The following OPRM1 variants were observed in gnomAD, a reference collection of about 807,000 sequenced individuals.
The protein encoded by OPRM1 is opioid receptor mu 1, also known as mu-type opioid receptor.
Under a neutral mutation model 31.8 loss-of-function variants are expected in OPRM1, and 27 were observed. The observed-to-expected ratio is 0.85, with a 90% CI of 0.63 to 1.17. The LOEUF is 1.17. Among genes scored for constraint, OPRM1 ranks in the 50% most tolerant of loss-of-function variants. The pLI is 0.00. For synonymous variants in OPRM1, 196 were observed against 189.9 expected (o/e 1.03, Z -0.26); for missense variants, 536 against 511.1 (o/e 1.05, Z -0.47).
At chr6:154,180,705 T>G (rs1246603252) in intron 3 of OPRM1, among the ~76,000 whole-genome samples, 1 of 152,164 alleles carries the variant, frequency 6.6e-6, no homozygotes, top group Non-Finnish European at 1.5e-5. Context: ...CCTTGTGCTT[T>G]CTAGAATGTG....
intron 3 of OPRM1, among the ~76,000 whole-genome samples, chr6:154,111,257 G>A (rs1796335645): frequency 6.6e-6 from 1 of 152,142 alleles, no homozygotes; most frequent in Non-Finnish European, 1.5e-5. Context: ...CTTTGCCTAT[G>A]AGTCATCAGC....
chr6:154,153,190 T>A (rs981254652), intron 3 of OPRM1, among the ~76,000 whole-genome samples: 1 of 152,150 alleles, frequency 6.6e-6, no homozygotes, highest in Admixed American at 6.5e-5. Flanking sequence ...ATTCCTGGGA[T>A]TTCTGGGAGG....
intron 3 of OPRM1, among the ~76,000 whole-genome samples, chr6:154,243,091 T>A (rs891932444): frequency 1.3e-5 from 2 of 152,122 alleles, no homozygotes; most frequent in African/African-American, 4.8e-5. Flanking sequence ...AAACAGCATA[T>A]GCGAAGGCTT....
At chr6:154,182,067 T>A (rs1035371107) in intron 3 of OPRM1, among the ~76,000 whole-genome samples, 2 of 152,070 alleles carry the variant, frequency 1.3e-5, no homozygotes, top group Admixed American at 6.5e-5. Flanking sequence ...TTAAAATTTT[T>A]AAAAAAGATC....
intron 3 of OPRM1, among the ~76,000 whole-genome samples, chr6:154,172,433 C>A (rs1243769770): frequency 6.6e-6 from 1 of 152,164 alleles, no homozygotes; most frequent in African/African-American, 2.4e-5. Context: ...TACACTTCTA[C>A]CCAAATACTG....
chr6:154,039,485 C>A lies in OPRM1; in HGVS notation c.-60C>A. 2 of 1,562,520 alleles carry A rather than the reference C, an allele frequency of 1.3e-6. No homozygotes were observed. Among genetic ancestry groups the A allele is most frequent in the Non-Finnish European group, 1.7e-6 (2 of 1,153,164 alleles). On this transcript the variant is annotated 5_prime_UTR_variant, in exon 1 of 4. Coordinates refer to ENST00000330432, the MANE Select transcript of OPRM1 (RefSeq NM_000914.5). Reference sequence around the variant, plus strand: ...GGAAGCGGCTGAGGCGCTTGGAACCCGAAAAGTCTCGGTGCTCCTGGCTAC... The same window carrying A: ...GGAAGCGGCTGAGGCGCTTGGAACCAGAAAAGTCTCGGTGCTCCTGGCTAC...
intron 1 of OPRM1, among the ~76,000 whole-genome samples, chr6:154,053,384 C>T: frequency 6.6e-6 from 1 of 152,216 alleles, no homozygotes; most frequent in East Asian, 1.9e-4. Flanking sequence ...GCTTCAAACT[C>T]TATGCCATTT....
chr6:154,021,939 T>C (rs1252803080), intron 1 of OPRM1, among the ~76,000 whole-genome samples: 1 of 152,120 alleles, frequency 6.6e-6, no homozygotes, highest in South Asian at 2.1e-4. Context: ...TTCTTCCCAA[T>C]CTGTATACTT....
At chr6:154,026,888 C>T (rs1021588369) in intron 1 of OPRM1, among the ~76,000 whole-genome samples, 2 of 152,148 alleles carry the variant, frequency 1.3e-5, no homozygotes, top group Admixed American at 6.5e-5. Context: ...GTTTCTCCAA[C>T]ATAGCTATTT....
At chr6:154,068,264 A>G (rs932109943) in intron 1 of OPRM1, among the ~76,000 whole-genome samples, 1 of 152,166 alleles carries the variant, frequency 6.6e-6, no homozygotes, top group African/African-American at 2.4e-5. Flanking sequence ...CAATAGTACC[A>G]TATTTCAATA....
At chr6:154,210,183 G>A (rs549545274) in intron 3 of OPRM1, among the ~76,000 whole-genome samples, 40 of 152,206 alleles carry the variant, frequency 2.6e-4, no homozygotes, top group African/African-American at 9.6e-4. Flanking sequence ...ATGGCTACTC[G>A]GTTGCTTTTA....
chr6:154,228,392 C>T (rs573505974), intron 3 of OPRM1, among the ~76,000 whole-genome samples: 1 of 152,262 alleles, frequency 6.6e-6, no homozygotes, highest in South Asian at 2.1e-4. Context: ...ACTTGTTCTC[C>T]TGCCAGAGGT....
chr6:154,086,683 G>T (rs953333139), intron 1 of OPRM1: 1 of 985,120 alleles, frequency 1.0e-6, no homozygotes, highest in Admixed American at 6.2e-5. Flanking sequence ...AAGGTTGGAA[G>T]TATGATGAGT....
intron 3 of OPRM1, chr6:154,217,483 G>A (rs1778504904): frequency 6.6e-6 from 1 of 151,384 alleles, no homozygotes; most frequent in African/African-American, 2.4e-5. Context: ...AAAAGCTCAT[G>A]GCACGAGCAT....
In OPRM1 at chr6:154,166,245, A is replaced by G. The variant is rs1403930268; in HGVS notation, c.1164+74773A>G. On this transcript the variant is annotated intron_variant, in intron 3 of 3. Transcript: ENST00000337049. ...ACCAATGACGAGGTCACAGAGACCC[A>G]TAGGGAATGGTAACACTAATTCTTT... Among the ~76,000 whole-genome samples the G allele has an allele frequency of 5.3e-5, 8 of 152,358 alleles. No individual in the cohort carries two copies. In the East Asian group the frequency reaches 1.5e-3, roughly 29 times the overall value.
At chr6:154,097,608 T>C (rs1180783806) in intron 3 of OPRM1, among the ~76,000 whole-genome samples, 2 of 151,768 alleles carry the variant, frequency 1.3e-5, no homozygotes, top group Non-Finnish European at 2.9e-5. Flanking sequence ...TGTGTGTGTG[T>C]GCGTGTGATA....
chr6:154,060,809 A>G (rs555298099), intron 1 of OPRM1, among the ~76,000 whole-genome samples: 1 of 152,330 alleles, frequency 6.6e-6, no homozygotes, highest in East Asian at 1.9e-4. Context: ...TGTCATTAAG[A>G]AATCCAGATT....
intron 3 of OPRM1, among the ~76,000 whole-genome samples, chr6:154,218,680 G>A (rs1778611537): frequency 6.6e-6 from 1 of 152,208 alleles, no homozygotes; most frequent in Non-Finnish European, 1.5e-5. Context: ...AAGTTGCATT[G>A]TTGGCTACTA....
At chr6:154,042,352 T>C (rs1448820858) in intron 1 of OPRM1, among the ~76,000 whole-genome samples, 2 of 152,206 alleles carry the variant, frequency 1.3e-5, no homozygotes, top group Non-Finnish European at 2.9e-5. Context: ...GTATTGTCCT[T>C]GCTAAAATGC....
Sources: allele counts gnomAD v4.1 joint callset (sites outside exome capture counted in the v4.1 genomes callset), GRCh38; gene constraint gnomAD v4.1.1; transcripts MANE v1.5; gene names NCBI Gene and HGNC (gene_info 2026-07-23, HGNC 2026-07-21).